ST6GALNAC3: variants seen among roughly 807,000 people sequenced by gnomAD.
The protein encoded by ST6GALNAC3 is ST6 N-acetylgalactosaminide alpha-2,6-sialyltransferase 3.
In ST6GALNAC3, 25 loss-of-function variants were observed where a neutral mutation model predicts 32.7. That is an observed-to-expected ratio of 0.76 (90% CI 0.56 to 1.07). The LOEUF is 1.07. Ranked by LOEUF, ST6GALNAC3 falls within the 50% of genes least tolerant of loss-of-function variation. The pLI, the probability that ST6GALNAC3 is intolerant of heterozygous loss-of-function variation, is 0.00. For missense variants in ST6GALNAC3, 355 were observed against 382.4 expected (o/e 0.93, Z 0.60); for synonymous variants, 129 against 133.1 (o/e 0.97, Z 0.21).
At chr1:76,310,456 C>T (rs116581509) in intron 1 of ST6GALNAC3, among the ~76,000 whole-genome samples, 9,283 of 152,018 alleles carry the variant, frequency 0.061, 965 homozygotes, top group African/African-American at 0.21. Flanking sequence ...GGCTTTCAGG[C>T]GATTGGAAGA....
At chr1:76,199,280 C>G (rs1360489853) in intron 1 of ST6GALNAC3, among the ~76,000 whole-genome samples, 1 of 152,176 alleles carries the variant, frequency 6.6e-6, no homozygotes, top group Non-Finnish European at 1.5e-5. Context: ...GATGCTGTAA[C>G]TTAAAAGGAT....
At chr1:76,307,677 T>C (rs1335208455) in intron 1 of ST6GALNAC3, among the ~76,000 whole-genome samples, 1 of 152,152 alleles carries the variant, frequency 6.6e-6, no homozygotes, top group Non-Finnish European at 1.5e-5. Context: ...TTTATACCAT[T>C]GGTTATAATT....
chr1:76,080,808 A>G (rs1047343870), intron 1 of ST6GALNAC3, among the ~76,000 whole-genome samples: 1 of 152,198 alleles, frequency 6.6e-6, no homozygotes, highest in African/African-American at 2.4e-5. Flanking sequence ...AACCCTGGCA[A>G]GTAGACAAGT....
chr1:76,283,632 G>GTTAA (rs1037918356), intron 1 of ST6GALNAC3, among the ~76,000 whole-genome samples: 6 of 152,178 alleles, frequency 3.9e-5, no homozygotes, highest in African/African-American at 1.4e-4. Flanking sequence ...GTTTTGAAAG[G>GTTAA]TTAACACTAT....
chr1:76,601,126 A>G (rs763273692), intron 3 of ST6GALNAC3, among the ~76,000 whole-genome samples: 4 of 152,186 alleles, frequency 2.6e-5, no homozygotes, highest in Non-Finnish European at 5.9e-5. Context: ...TGACCTGGGA[A>G]GTGGAGGTTT....
intron 3 of ST6GALNAC3, among the ~76,000 whole-genome samples, chr1:76,589,621 AGGTG>A (rs1175573259): frequency 6.6e-6 from 1 of 151,986 alleles, no homozygotes; most frequent in Non-Finnish European, 1.5e-5. Flanking sequence ...GCAACATGTC[AGGTG>A]GGGGAACTGA....
chr1:76,260,621 T>C (rs75332677), intron 1 of ST6GALNAC3, among the ~76,000 whole-genome samples: 11,008 of 152,226 alleles, frequency 0.072, 873 homozygotes, highest in African/African-American at 0.2. Context: ...GAACCTAGCC[T>C]TTCTGATTTC....
At chr1:76,605,455 C>A (rs1647464469) in intron 3 of ST6GALNAC3, among the ~76,000 whole-genome samples, 1 of 152,060 alleles carries the variant, frequency 6.6e-6, no homozygotes, top group South Asian at 2.1e-4. Context: ...AAACAGACAA[C>A]CTACAAAATG....
intron 1 of ST6GALNAC3, among the ~76,000 whole-genome samples, chr1:76,077,637 G>T (rs896714269): frequency 1.8e-4 from 27 of 152,242 alleles, no homozygotes; most frequent in African/African-American, 6.0e-4. Context: ...ATGGAAAATA[G>T]GTGAGTGTTT....
chr1:76,238,786 C>T (rs1656803030), intron 1 of ST6GALNAC3, among the ~76,000 whole-genome samples: 2 of 152,116 alleles, frequency 1.3e-5, no homozygotes, highest in South Asian at 4.2e-4. Flanking sequence ...TTTCCTCGGG[C>T]AGGAAATATC....
At chr1:76,637,114 A>G (rs1344712421), downstream of ST6GALNAC3, 1 of 152,214 alleles carries the variant, frequency 6.6e-6, no homozygotes, top group African/African-American at 2.4e-5. Flanking sequence ...GCCACCTTAC[A>G]CCATGCATTG....
intron 1 of ST6GALNAC3, among the ~76,000 whole-genome samples, chr1:76,256,047 G>C (rs1250900877): frequency 9.8e-6 from 1 of 101,666 alleles, no homozygotes; most frequent in East Asian, 2.1e-4. Context: ...CACACAATTA[G>C]GAAAAGCTAC....
chr1:76,624,047 T>C (rs1359976077), intron 3 of ST6GALNAC3, among the ~76,000 whole-genome samples: 2 of 151,966 alleles, frequency 1.3e-5, no homozygotes, highest in South Asian at 2.1e-4. Context: ...GGAAACCCCC[T>C]GCCATTTAAC....
chr1:76,528,950 CAG>C (rs1663085349), intron 3 of ST6GALNAC3, among the ~76,000 whole-genome samples: 1 of 150,388 alleles, frequency 6.6e-6, no homozygotes, highest in Admixed American at 6.7e-5. Flanking sequence ...CAGTGGGAAA[CAG>C]GACTTGGAAT....
At chr1:76,567,189 T>G (rs2100466602) in intron 3 of ST6GALNAC3, among the ~76,000 whole-genome samples, 1 of 152,330 alleles carries the variant, frequency 6.6e-6, no homozygotes, top group East Asian at 1.9e-4. Context: ...AATATGATTT[T>G]AAAGCCATGA....
intron 3 of ST6GALNAC3, among the ~76,000 whole-genome samples, chr1:76,453,475 G>A (rs1657550369): frequency 6.6e-6 from 1 of 151,944 alleles, no homozygotes; most frequent in Admixed American, 6.6e-5. Flanking sequence ...GATAGGTTTT[G>A]GCACTATTAT....
At chr1:76,612,686 C>T (rs1284792214) in intron 3 of ST6GALNAC3, among the ~76,000 whole-genome samples, 1 of 152,134 alleles carries the variant, frequency 6.6e-6, no homozygotes, top group Non-Finnish European at 1.5e-5. Context: ...TTAAAAAAAG[C>T]CTTTCATATA....
intron 1 of ST6GALNAC3, among the ~76,000 whole-genome samples, chr1:76,082,132 A>G (rs1646904794): frequency 6.6e-6 from 1 of 152,214 alleles, no homozygotes; most frequent in African/African-American, 2.4e-5. Flanking sequence ...CCCAGGAGAA[A>G]AATTTCTGTT....
intron 2 of ST6GALNAC3, among the ~76,000 whole-genome samples, chr1:76,345,902 C>T (rs1186349967): frequency 2.0e-5 from 3 of 152,048 alleles, no homozygotes; most frequent in African/African-American, 4.8e-5. Context: ...TATTGTTTTG[C>T]CTGGAAGAGT....
Sources: allele counts gnomAD v4.1 joint callset (sites outside exome capture counted in the v4.1 genomes callset), GRCh38; gene constraint gnomAD v4.1.1; transcripts MANE v1.5; gene names NCBI Gene and HGNC (gene_info 2026-07-23, HGNC 2026-07-21).